SFI1: variants seen among roughly 807,000 people sequenced by gnomAD.
The protein encoded by SFI1 is SFI1 centrin binding protein.
In SFI1, 195 loss-of-function variants were observed where a neutral mutation model predicts 207.5. That is an observed-to-expected ratio of 0.94 (90% CI 0.84 to 1.06). SFI1 has a LOEUF of 1.06. Ranked by LOEUF, SFI1 falls within the 50% of genes least tolerant of loss-of-function variation. SFI1 has a pLI of 0.00. For synonymous variants in SFI1, 630 were observed against 598.9 expected (o/e 1.05, Z -0.76); for missense variants, 1,634 against 1,588.0 (o/e 1.03, Z -0.49).
chr22:31,509,453 G>C (rs1191035020), intron 2 of SFI1, among the ~76,000 whole-genome samples: 3 of 152,218 alleles, frequency 2.0e-5, no homozygotes, highest in African/African-American at 7.2e-5. Context: ...CTTGGAGTCT[G>C]ATGTTCGAGG....
In SFI1 at chr22:31,536,801, C is replaced by T. The variant is rs115895809; in HGVS notation, c.338+5672C>T. ...CTTTTCAAATAATGCCTTCCAAGTC[C>T]TTGGGAAATGCTGATTGTATGTTAG... is the stretch of plus-strand genomic sequence containing the variant. On this transcript the variant is annotated intron_variant, in intron 4 of 32. Transcript: ENST00000400288. 6.1e-3 allele frequency among the ~76,000 whole-genome samples: 932 copies of T among 152,196 alleles called. 11 individuals carry two copies. Among genetic ancestry groups the T allele is most frequent in the African/African-American group, 0.021 (893 of 41,538 alleles).
chr22:31,559,262 A>C (rs1460640680), intron 7 of SFI1, among the ~76,000 whole-genome samples: 1 of 151,922 alleles, frequency 6.6e-6, no homozygotes, highest in Non-Finnish European at 1.5e-5. Flanking sequence ...CTCTACTAAA[A>C]AAATACAAAA....
intron 1 of SFI1, among the ~76,000 whole-genome samples, chr22:31,507,720 ATATG>A (rs1254501827): frequency 1.3e-5 from 2 of 152,174 alleles, no homozygotes. Flanking sequence ...GAAGACATAT[ATATG>A]GTGAACAAAC....
chr22:31,525,262 C>G lies in SFI1; in HGVS notation c.93-3428C>G, dbSNP rs537419012. On this transcript the variant is annotated intron_variant, in intron 2 of 32. Coordinates refer to ENST00000400288, the MANE Select transcript of SFI1 (RefSeq NM_001007467.3). ...ACGTTTGAAGTATTTCTTCTCGTAG[C>G]TTTCTAGTTTTGGATCTTACATTTA... Among the ~76,000 whole-genome samples the G allele has an allele frequency of 7.9e-5, 12 of 152,150 alleles. No individual in the cohort carries two copies. In the South Asian group the frequency reaches 2.3e-3, roughly 29 times the overall value.
intron 2 of SFI1, among the ~76,000 whole-genome samples, chr22:31,508,666 T>C (rs2055026803): frequency 1.3e-5 from 2 of 152,234 alleles, no homozygotes; most frequent in Non-Finnish European, 2.9e-5. Context: ...TCATCCAGGT[T>C]GGCTGGCTCT....
intron 6 of SFI1, among the ~76,000 whole-genome samples, chr22:31,554,396 C>T (rs1267359976): frequency 6.6e-6 from 1 of 151,962 alleles, no homozygotes; most frequent in African/African-American, 2.4e-5. Context: ...GCAAGCTCCA[C>T]CTCCCGGATT....
intron 4 of SFI1, among the ~76,000 whole-genome samples, chr22:31,538,865 T>C (rs138682541): frequency 0.011 from 1,750 of 152,228 alleles, 10 homozygotes; most frequent in Middle Eastern, 0.031. Flanking sequence ...AAAATCTCAT[T>C]AAATCTCACA....
rs916109620 is a variant in SFI1, at chr22:31,545,376, GA to G, written c.339-1475del. ...GCAAAACTCCGTCTCAAAAAAAAAA[GA>G]AAAAAAAAATTTGTAGAGCTGGGTA... On this transcript the variant is annotated intron_variant, in intron 4 of 32. Coordinates refer to ENST00000400288, the MANE Select transcript of SFI1 (RefSeq NM_001007467.3). Among the ~76,000 whole-genome samples, 102 of 146,690 alleles carry G rather than the reference GA, an allele frequency of 7.0e-4. 1 individual carries two copies. The highest frequency in any genetic ancestry group is 1.1e-3 in the Non-Finnish European group (76 of 66,538).
chr22:31,575,675 C>T (rs2063403851), intron 10 of SFI1, among the ~76,000 whole-genome samples: 2 of 152,142 alleles, frequency 1.3e-5, no homozygotes, highest in African/African-American at 2.4e-5. Context: ...TCCCTGACTG[C>T]GTTCTTTTTC....
At chr22:31,585,839 T>C (rs1392063458) in intron 14 of SFI1, among the ~76,000 whole-genome samples, 22 of 152,206 alleles carry the variant, frequency 1.4e-4, no homozygotes, top group Admixed American at 1.4e-3. Flanking sequence ...GTTGATGGCA[T>C]CTGCCATTGT....
chr22:31,508,687 AC>A (rs760521111), intron 2 of SFI1, among the ~76,000 whole-genome samples: 1 of 152,080 alleles, frequency 6.6e-6, no homozygotes, highest in African/African-American at 2.4e-5. Context: ...CGTGTCTTCT[AC>A]TTTTGATCAT....
chr22:31,518,494 T>C (rs956825040), intron 2 of SFI1, among the ~76,000 whole-genome samples: 2 of 152,200 alleles, frequency 1.3e-5, no homozygotes, highest in African/African-American at 2.4e-5. Flanking sequence ...TATAGAAATA[T>C]AGAGTTGACC....
chr22:31,575,094 GTGTGTGT>G, intron 9 of SFI1, 130 bp from the exon 10 acceptor site: 1 of 265,830 alleles, frequency 3.8e-6, no homozygotes. Context: ...GCGTGTGTGT[GTGTGTGT>G]GTGTGTGTGT....
At position 31,613,444 on chromosome 22, in the gene SFI1, C is replaced by T; in HGVS notation, c.2656C>T (p.Leu886Phe). The T allele has an allele frequency of 6.2e-7, 1 of 1,608,230 alleles. No homozygotes were observed. Among genetic ancestry groups the T allele is most frequent in the Non-Finnish European group, 8.5e-7 (1 of 1,179,690 alleles). Residue 886 changes from leucine (L) to phenylalanine (F), a missense_variant, in exon 26 of 33, where the codon CTC (leucine) becomes TTC (phenylalanine). Physicochemically the swap from Leu to Phe is conservative, Grantham distance 22. Coordinates refer to ENST00000400288, the MANE Select transcript of SFI1 (RefSeq NM_001007467.3). ...GCTCCAGGCCTACCAGGGGCAGCTC[C>T]TCCAGGAGGGTGCCACGCGGCTCCT... ...WALQAYQGQL[L>F]QEGATRLLRF...
intron 15 of SFI1, among the ~76,000 whole-genome samples, chr22:31,593,216 G>A (rs1192577501): frequency 2.7e-5 from 4 of 150,550 alleles, no homozygotes; most frequent in Non-Finnish European, 4.4e-5. Flanking sequence ...GCTGCCGGGC[G>A]GAGGGGCTCC....
chr22:31,514,063 G>A (rs1032074510), intron 2 of SFI1, among the ~76,000 whole-genome samples: 4 of 150,218 alleles, frequency 2.7e-5, no homozygotes, highest in Non-Finnish European at 5.9e-5. Flanking sequence ...GAATCTGGGA[G>A]TTGGAGGTTG....
intron 15 of SFI1, among the ~76,000 whole-genome samples, chr22:31,591,398 T>G (rs1017859902): frequency 1.4e-4 from 21 of 152,332 alleles, no homozygotes; most frequent in African/African-American, 5.1e-4. Context: ...CCATCCGACC[T>G]CTCAATCTTT....
intron 14 of SFI1, among the ~76,000 whole-genome samples, chr22:31,588,566 G>A (rs2065340616): frequency 6.6e-6 from 1 of 152,210 alleles, no homozygotes; most frequent in South Asian, 2.1e-4. Flanking sequence ...TGTAATCCCA[G>A]CACTTTGGGA....
At position 31,550,299 on chromosome 22, in the gene SFI1, G is replaced by A; in HGVS notation, c.495G>A (p.Val165=). 1.9e-6 allele frequency: 3 copies of A among 1,614,112 alleles called. No individual in the cohort carries two copies. The highest frequency in any genetic ancestry group is 2.5e-6 in the Non-Finnish European group (3 of 1,180,012). ...TGTTCCAGACGTGGAAGACCTATGT[G>A]CGTCAGCAGCAGGAGATGAGGAACA... ...NLMFQTWKTY[V]RQQQEMRNKY... is the part of the protein sequence containing the mutation. Residue 165 remains valine (V), a synonymous_variant, in exon 6 of 33, where the codon GTG becomes GTA. Coordinates refer to ENST00000400288, the MANE Select transcript of SFI1 (RefSeq NM_001007467.3).
Sources: allele counts gnomAD v4.1 joint callset (sites outside exome capture counted in the v4.1 genomes callset), GRCh38; gene constraint gnomAD v4.1.1; transcripts MANE v1.5; gene names NCBI Gene and HGNC (gene_info 2026-07-23, HGNC 2026-07-21).